The following RBM47 variants were observed in gnomAD, a reference collection of about 807,000 sequenced individuals.
RBM47 encodes the protein RNA binding motif protein 47.
In RBM47, 21 loss-of-function variants were observed where a neutral mutation model predicts 47.1. That is an observed-to-expected ratio of 0.45 (90% confidence interval 0.32 to 0.64). RBM47 has a LOEUF of 0.64. Ranked by LOEUF, RBM47 falls within the 30% of genes least tolerant of loss-of-function variation. The probability of loss-of-function intolerance (pLI) is 0.05; values close to 1 mark genes in which losing one functional copy is unlikely to be tolerated. For synonymous variants in RBM47, 375 were observed against 361.7 expected, an observed-to-expected ratio of 1.04 and a Z score of -0.42; for missense variants, 708 against 870.9, an observed-to-expected ratio of 0.81 and a Z score of 2.35.
chr4:40,524,272 T>C (rs1450118931), intron 2 of RBM47, among the ~76,000 whole-genome samples: 1 of 152,164 alleles, frequency 6.6e-6, no homozygotes, highest in Non-Finnish European at 1.5e-5. Context: ...TATTTTCTCA[T>C]ACAAATGAGG....
At position 40,461,937 on chromosome 4, in the gene RBM47, A is replaced by T. The variant is rs141003152; in HGVS notation, c.-32+4640T>A. ...GTGACAAGAGTGAAAACTCCGTCTC[A>T]AAAAAAAAAAAAAAAGATTTAACAT... On this transcript the variant is annotated intron_variant, in intron 3 of 6. Transcript: ENST00000295971. Among the ~76,000 whole-genome samples, 4 of 25,138 alleles carry T rather than the reference A, an allele frequency of 1.6e-4. No homozygotes were observed. In the South Asian group the frequency reaches 0.014, roughly 88 times the overall value. 16.5% of individuals were successfully genotyped at this position (25,138 alleles called of 152,430 possible). A position where few individuals can be genotyped will look rare whatever the true frequency, so the allele number is the denominator to read the frequency against.
chr4:40,598,212 A>C (rs79137677), intron 1 of RBM47, among the ~76,000 whole-genome samples: 1 of 152,262 alleles, frequency 6.6e-6, no homozygotes, highest in Admixed American at 6.5e-5. Flanking sequence ...CGCACACAGG[A>C]GATTTACCAT....
chr4:40,592,188 C>A (rs970342704), intron 1 of RBM47, among the ~76,000 whole-genome samples: 3 of 152,106 alleles, frequency 2.0e-5, no homozygotes, highest in African/African-American at 7.2e-5. Flanking sequence ...GGGGAATCAT[C>A]CGTTTGCAAT....
chr4:40,511,194 G>A (rs892195572), intron 2 of RBM47, among the ~76,000 whole-genome samples: 4 of 152,166 alleles, frequency 2.6e-5, no homozygotes, highest in East Asian at 1.9e-4. Context: ...TGGCACAGCC[G>A]CCAGAATCAC....
intron 1 of RBM47, among the ~76,000 whole-genome samples, chr4:40,566,386 CCTGTAATCCCAG>C (rs1560473354): frequency 6.6e-6 from 1 of 152,154 alleles, no homozygotes; most frequent in East Asian, 1.9e-4. Context: ...GTGGCTCATG[CCTGTAATCCCAG>C]CACTTTGGGA....
chr4:40,529,158 T>C (rs1189685289), intron 2 of RBM47, among the ~76,000 whole-genome samples: 1 of 152,042 alleles, frequency 6.6e-6, no homozygotes, highest in African/African-American at 2.4e-5. Flanking sequence ...CAGATGTTCC[T>C]TGACTTACAA....
chr4:40,531,000 G>C (rs1727333027), intron 2 of RBM47, among the ~76,000 whole-genome samples: 1 of 152,156 alleles, frequency 6.6e-6, no homozygotes, highest in South Asian at 2.1e-4. Flanking sequence ...CTCAGAAATT[G>C]AGGCAGGAGG....
chr4:40,441,059 T>C (rs531195610), intron 3 of RBM47, among the ~76,000 whole-genome samples: 4 of 152,304 alleles, frequency 2.6e-5, no homozygotes, highest in South Asian at 4.1e-4. Flanking sequence ...ATGAAATTTT[T>C]TTGTAGTATA....
At chr4:40,468,802 C>T (rs1718428258) in intron 2 of RBM47, among the ~76,000 whole-genome samples, 2 of 152,170 alleles carry the variant, frequency 1.3e-5, no homozygotes, top group Admixed American at 1.3e-4. Context: ...CGTTTTAATA[C>T]ACATAATCTT....
intron 2 of RBM47, among the ~76,000 whole-genome samples, chr4:40,467,619 C>T (rs1272607298): frequency 3.3e-5 from 5 of 151,854 alleles, no homozygotes; most frequent in Non-Finnish European, 7.4e-5. Context: ...GGATGTTCAT[C>T]GCATGGAGAG....
chr4:40,556,223 A>T (rs1200982470), intron 1 of RBM47, among the ~76,000 whole-genome samples: 2 of 151,476 alleles, frequency 1.3e-5, no homozygotes, highest in Admixed American at 6.6e-5. Context: ...TTTAGTAGAG[A>T]CGGGGTTTCA....
At chr4:40,565,621 A>G (rs942444925) in intron 1 of RBM47, among the ~76,000 whole-genome samples, 27 of 152,186 alleles carry the variant, frequency 1.8e-4, no homozygotes, top group Admixed American at 1.4e-3. Flanking sequence ...GTGACAATCC[A>G]TCTGTGTGAC....
chr4:40,591,036 C>A (rs1336852665), intron 1 of RBM47, among the ~76,000 whole-genome samples: 1 of 152,132 alleles, frequency 6.6e-6, no homozygotes, highest in Non-Finnish European at 1.5e-5. Flanking sequence ...CTCCTGACCT[C>A]AGGTGATCCA....
chr4:40,612,177 TA>T (rs1736319215), intron 1 of RBM47, among the ~76,000 whole-genome samples: 1 of 152,336 alleles, frequency 6.6e-6, no homozygotes, highest in South Asian at 2.1e-4. Context: ...CATGGATCCA[TA>T]ACATGTGGAT....
chr4:40,423,692 CTTT>C lies in RBM47; in HGVS notation c.*2209_*2211del, dbSNP rs1714664465. ...TCTTTCTTTCTTTCTTTCTTTCTTTCTTTCTTTCTTTCTTTCTTTCTTTTCTTT... is the reference window on the plus strand; with the variant it reads ...TCTTTCTTTCTTTCTTTCTTTCTTTCCTTTCTTTCTTTCTTTCTTTTCTTT... On this transcript the variant is annotated 3_prime_UTR_variant, in exon 7 of 7. Transcript: ENST00000295971. 9.5e-6 allele frequency: 1 copy of C among 105,052 alleles called. No homozygotes were observed. Among genetic ancestry groups the C allele is most frequent in the African/African-American group, 4.6e-5 (1 of 21,626 alleles). 6.5% of individuals were successfully genotyped at this position (105,052 alleles called of 1,614,324 possible).
chr4:40,437,988 G>A lies in RBM47; in HGVS notation c.906C>T (p.Asn302=), dbSNP rs771435022. ...EDAVHAMNNL[N]GTELEGSCLE... ...GGCACGAGCCCTCCAGCTCAGTGCC[G>A]TTGAGGTTGTTCATGGCATGCACGG... The change falls in exon 4 of 7, where the codon AAC becomes AAT. Residue 302 remains asparagine (N), a synonymous_variant. Transcript: ENST00000295971. The A allele has an allele frequency of 7.4e-6, 12 of 1,613,412 alleles. No homozygotes were observed. The highest frequency in any genetic ancestry group is 3.3e-4 in the Middle Eastern group (2 of 6,084).
chr4:40,549,741 C>T (rs1415115544), intron 1 of RBM47, among the ~76,000 whole-genome samples: 2 of 151,012 alleles, frequency 1.3e-5, no homozygotes, highest in Non-Finnish European at 2.9e-5. Flanking sequence ...AGTGCAGTGG[C>T]GCAATCTCAG....
At chr4:40,586,671 G>T (rs1733618469) in intron 1 of RBM47, among the ~76,000 whole-genome samples, 1 of 151,102 alleles carries the variant, frequency 6.6e-6, no homozygotes, top group Non-Finnish European at 1.5e-5. Flanking sequence ...GGCAGGCAGG[G>T]GCAATGGTAA....
intron 2 of RBM47, chr4:40,542,566 T>C (rs2334210): frequency 0.52 from 78,735 of 152,158 alleles, 23,799 homozygotes; most frequent in African/African-American, 0.85. Context: ...ACTGCAGTGA[T>C]GCAATCTTGG....
Sources: gnomAD v4.1 joint callset for allele counts (sites outside exome capture counted in the v4.1 genomes callset) on GRCh38, gnomAD v4.1.1 for gene constraint, MANE v1.5 for transcripts, NCBI Gene and HGNC (gene_info 2026-07-23, HGNC 2026-07-21) for gene names.